The following NTRK3 variants were observed in gnomAD, a reference collection of about 807,000 sequenced individuals.
NTRK3 encodes NT-3 growth factor receptor.
Under a neutral mutation model 91.7 loss-of-function variants are expected in NTRK3, and 24 were observed. That is an observed-to-expected ratio of 0.26 (90% CI 0.19 to 0.37). The LOEUF is 0.37. Among genes scored for constraint, NTRK3 ranks in the 10% least tolerant of loss-of-function variants. The pLI, the probability that NTRK3 is intolerant of heterozygous loss-of-function variation, is 1.00. For synonymous variants in NTRK3, 483 were observed against 404.0 expected, an observed-to-expected ratio of 1.20 and a Z score of -2.34; for missense variants, 880 against 1,068.9, an observed-to-expected ratio of 0.82 and a Z score of 2.46.
chr15:88,181,596 C>T (rs907257507), intron 5 of NTRK3, among the ~76,000 whole-genome samples: 2 of 152,174 alleles, frequency 1.3e-5, no homozygotes, highest in Non-Finnish European at 2.9e-5. Flanking sequence ...CAACAGCATC[C>T]CTCCCCCAAA....
intron 13 of NTRK3, among the ~76,000 whole-genome samples, chr15:88,049,730 C>A (rs908303626): frequency 1.3e-5 from 2 of 152,142 alleles, no homozygotes; most frequent in Admixed American, 1.3e-4. Flanking sequence ...AAATAGCAGG[C>A]CCTTTAAAGA....
intron 14 of NTRK3, among the ~76,000 whole-genome samples, chr15:87,955,471 G>A (rs906309230): frequency 6.6e-6 from 1 of 152,220 alleles, no homozygotes; most frequent in Non-Finnish European, 1.5e-5. Context: ...GAGGGCAGCC[G>A]ACAACAAATG....
chr15:88,232,893 AC>A (rs2141757258), intron 3 of NTRK3, among the ~76,000 whole-genome samples: 1 of 152,116 alleles, frequency 6.6e-6, no homozygotes, highest in South Asian at 2.1e-4. Context: ...ACACCCAGGA[AC>A]CCATCCCCCA....
chr15:87,978,368 C>G (rs1026994769), intron 14 of NTRK3: 1 of 229,884 alleles, frequency 4.4e-6, no homozygotes, highest in Admixed American at 5.7e-5. Context: ...CTTCTCTTCC[C>G]CTTCAGTTCA....
In NTRK3 at chr15:88,231,318, C is replaced by A. The variant is rs531731922; in HGVS notation, c.248+24588G>T. Among the ~76,000 whole-genome samples, 3 of 152,144 alleles carry A rather than the reference C, an allele frequency of 2.0e-5. No homozygotes were observed. The South Asian group carries it at 6.2e-4, about 32-fold the overall frequency. ...ATATATTTCCTCTCCGCTCCCCTTG[C>A]CCCCCACCCACATCACCCATCCAGA... On this transcript the variant is annotated intron_variant, in intron 3 of 18. Transcript: ENST00000394480.
intron 5 of NTRK3, among the ~76,000 whole-genome samples, chr15:88,154,107 T>G (rs1481856628): frequency 1.1e-4 from 12 of 111,142 alleles, no homozygotes; most frequent in African/African-American, 2.2e-4. Flanking sequence ...CACATAGACT[T>G]TGCAAAAAAA....
chr15:87,901,992 G>C (rs2066487504), intron 17 of NTRK3, among the ~76,000 whole-genome samples: 1 of 152,178 alleles, frequency 6.6e-6, no homozygotes, highest in South Asian at 2.1e-4. Context: ...TGATAGGTTA[G>C]GGTGGCACAT....
intron 14 of NTRK3, chr15:87,981,080 T>C (rs1438221596): frequency 7.9e-6 from 10 of 1,270,426 alleles, no homozygotes; most frequent in African/African-American, 3.0e-5. Flanking sequence ...GGGATTTTTT[T>C]AGTACCAAAT....
chr15:87,870,298 T>A (rs80318730), exon 19 of NTRK3: 3,971 of 189,684 alleles, frequency 0.021, 165 homozygotes, highest in African/African-American at 0.085. Context: ...CTGGGTGAGA[T>A]TGGAGACCAC....
chr15:88,240,957 G>A lies in NTRK3; in HGVS notation c.248+14949C>T, dbSNP rs1043340809. Among the ~76,000 whole-genome samples, 4 of 152,202 alleles carry A rather than the reference G, an allele frequency of 2.6e-5. 1 individual carries two copies. The highest frequency in any genetic ancestry group is 9.7e-5 in the African/African-American group (4 of 41,444). The stretch of plus-strand genomic sequence containing the variant: ...GGCATGTGTGCCCTCAGCAAGCTGG[G>A]AGGGTTGCTGTGGGCCTGGGGGACA... On this transcript the variant is annotated intron_variant, in intron 3 of 18. Transcript: ENST00000394480. The surrounding 1 kb of genome is among the most constrained non-coding windows in gnomAD (Gnocchi z 4.9).
intron 18 of NTRK3, among the ~76,000 whole-genome samples, chr15:87,879,997 T>C (rs1380817773): frequency 1.3e-5 from 2 of 152,190 alleles, no homozygotes; most frequent in African/African-American, 4.8e-5. Flanking sequence ...TAGTGAAACA[T>C]TTGTGATTTT....
At chr15:88,178,044 T>C (rs1158321627) in intron 5 of NTRK3, among the ~76,000 whole-genome samples, 2 of 152,230 alleles carry the variant, frequency 1.3e-5, no homozygotes, top group African/African-American at 4.8e-5. Flanking sequence ...TGCTCCTTAC[T>C]GTCAGCTATC....
At chr15:88,104,253 T>C (rs1419690033) in intron 13 of NTRK3, among the ~76,000 whole-genome samples, 1 of 152,274 alleles carries the variant, frequency 6.6e-6, no homozygotes, top group Non-Finnish European at 1.5e-5. Flanking sequence ...TGTCTAGAAC[T>C]GTTGCATGAG....
chr15:88,084,650 C>T (rs2048340463), intron 13 of NTRK3, among the ~76,000 whole-genome samples: 2 of 152,206 alleles, frequency 1.3e-5, no homozygotes, highest in African/African-American at 4.8e-5. Flanking sequence ...TTTCCCCCAA[C>T]CCTCTCACCT....
intron 3 of NTRK3, among the ~76,000 whole-genome samples, chr15:88,217,684 T>A (rs932099998): frequency 1.3e-5 from 2 of 152,126 alleles, no homozygotes; most frequent in African/African-American, 4.8e-5. Flanking sequence ...TACACAGCAA[T>A]GTGGATGTGC....
exon 14 of NTRK3, chr15:88,032,859 G>T (rs199642370): frequency 3.1e-6 from 5 of 1,613,550 alleles, no homozygotes; most frequent in Non-Finnish European, 4.2e-6. Flanking sequence ...GTACTTACAC[G>T]TGTCCGGCTT....
At chr15:88,056,402 T>TCATGGTC (rs1477764602) in intron 13 of NTRK3, among the ~76,000 whole-genome samples, 2 of 152,004 alleles carry the variant, frequency 1.3e-5, no homozygotes, top group Admixed American at 1.3e-4. Context: ...ATTTTTTTGT[T>TCATGGTC]CATGGTCCAA....
intron 16 of NTRK3, among the ~76,000 whole-genome samples, chr15:87,931,765 T>C (rs2068814178): frequency 1.3e-5 from 2 of 152,214 alleles, no homozygotes; most frequent in South Asian, 4.1e-4. Context: ...TCCATTCCAT[T>C]GCCTGGTACT....
chr15:88,036,797 C>T (rs1245258181), intron 13 of NTRK3, among the ~76,000 whole-genome samples: 4 of 152,226 alleles, frequency 2.6e-5, no homozygotes, highest in African/African-American at 9.7e-5. Context: ...CAGAAGTTCA[C>T]CTCCAACCCC....
Sources: allele counts gnomAD v4.1 joint callset (sites outside exome capture counted in the v4.1 genomes callset), GRCh38; gene constraint gnomAD v4.1.1; non-coding constraint Gnocchi (gnomAD v3.1); transcripts MANE v1.5; gene names NCBI Gene and HGNC (gene_info 2026-07-23, HGNC 2026-07-21).